Variants in DIDO1 observed in about 807,000 individuals in gnomAD.
DIDO1 encodes the protein death inducer-obliterator 1, also known as death-inducer obliterator 1.
A neutral mutation model predicts 99.4 loss-of-function variants in DIDO1; 16 were observed. The ratio of observed to expected loss-of-function variants is 0.16; its 90% CI spans 0.11 to 0.24. DIDO1 has a LOEUF of 0.24. DIDO1 is among the 10% of genes least tolerant of loss of function. DIDO1 has a pLI of 1.00. For synonymous variants in DIDO1, 1,366 were observed against 1,239.1 expected (o/e 1.10, Z -2.15); for missense variants, 2,996 against 3,014.0 (o/e 0.99, Z 0.14).
At position 62,896,935 on chromosome 20, in the gene DIDO1, T is replaced by G; in HGVS notation, c.1650A>C (p.Thr550=). ...TGCCCACCGCGGAGCCTGGAGGGGC[T>G]GTTTTCTTTGAGGCTGCCATGGCTG... The part of the protein sequence containing the change: ...KAAAMAASKK[T]APPGSAVGKQ... The change falls in exon 7 of 16, where the codon ACA becomes ACC. Residue 550 remains threonine, a synonymous_variant. Transcript: ENST00000395343. The surrounding 1 kb of genome is among the most constrained non-coding windows in gnomAD (Gnocchi z 4.4). The G allele has an allele frequency of 6.2e-7, 1 of 1,613,996 alleles. No homozygotes were observed. Among genetic ancestry groups the G allele is most frequent in the Non-Finnish European group, 8.5e-7 (1 of 1,179,942 alleles).
exon 1 of DIDO1, chr20:62,937,870 A>G (rs1192667990): frequency 5.0e-6 from 2 of 398,196 alleles, no homozygotes; most frequent in Non-Finnish European, 8.9e-6. Flanking sequence ...CGCAGCAGCC[A>G]TCTTGCCAGA....
At chr20:62,923,916 G>A (rs2065204334) in intron 1 of DIDO1, among the ~76,000 whole-genome samples, 1 of 152,108 alleles carries the variant, frequency 6.6e-6, no homozygotes, top group African/African-American at 2.4e-5. Flanking sequence ...CATGGTTACA[G>A]AATTCTTATT....
intron 1 of DIDO1, among the ~76,000 whole-genome samples, chr20:62,924,288 G>C (rs2065212613): frequency 6.6e-6 from 1 of 152,204 alleles, no homozygotes; most frequent in Non-Finnish European, 1.5e-5. Flanking sequence ...AGAGAGATGA[G>C]ACCTCTCAGG....
intron 15 of DIDO1, among the ~76,000 whole-genome samples, 168 bp from the exon 16 acceptor site, chr20:62,882,582 T>TCCGCCACAGGAACGCA (rs2064227474): frequency 2.1e-5 from 2 of 97,212 alleles, no homozygotes; most frequent in Admixed American, 1.9e-4. Flanking sequence ...CCTGGACGAT[T>TCCGCCACAGGAACGCA]CCGCCCCAGG....
chr20:62,902,746 C>CTTA (rs2064712121), intron 6 of DIDO1, among the ~76,000 whole-genome samples: 1 of 152,230 alleles, frequency 6.6e-6, no homozygotes, highest in Non-Finnish European at 1.5e-5. Flanking sequence ...GGGCACCATG[C>CTTA]TTAACACAGC....
chr20:62,913,710 C>T (rs542243889), intron 2 of DIDO1, among the ~76,000 whole-genome samples: 5 of 152,280 alleles, frequency 3.3e-5, no homozygotes, highest in African/African-American at 7.2e-5. Flanking sequence ...CTAGCCTTTG[C>T]CCAGAAGGGC....
Position 62,881,999 on chromosome 20 carries a change from C to A in DIDO1, c.3957G>T (p.Gln1319His), listed in dbSNP as rs781311308. ...KTASPLEHIL[Q>H]TLFGKKKSFD... is the part of the protein sequence containing the mutation. ...ATGATTTCTTCTTTCCAAAGAGAGT[C>A]TGCAGGATGTGCTCCAGCGGTGATG... is the stretch of plus-strand genomic sequence containing the variant. Residue 1319 changes from glutamine (Q) to histidine (H), a missense_variant, in exon 16 of 16, where the codon CAG becomes CAT. Coordinates refer to ENST00000395343, the MANE Select transcript of DIDO1 (RefSeq NM_001193369.2). This position sits in a 1 kb window ranked among gnomAD's most constrained non-coding sequence, Gnocchi z 8.3. 1.2e-6 allele frequency: 2 copies of A among 1,613,554 alleles called. No individual in the cohort carries two copies. The highest frequency in any genetic ancestry group is 1.1e-5 in the South Asian group (1 of 91,080).
rs776319068 is a variant in DIDO1 at position 62,879,647 on chromosome 20, G to A, written c.6309C>T (p.Pro2103=). The change falls in exon 16 of 16, where the codon CCC becomes CCT. Residue 2103 remains proline (P), a synonymous_variant. Transcript: ENST00000395343. The surrounding 1 kb of genome is among the most constrained non-coding windows in gnomAD (Gnocchi z 6.3). ...VGPKEKPLEE[P]DAQGRASEDR... is the part of the protein sequence containing the mutation. ...CCTCGGACGCCCGGCCCTGGGCGTC[G>A]GGCTCCTCCAGCGGCTTCTCTTTGG... 2.1e-5 allele frequency: 34 copies of A among 1,607,148 alleles called. No individual in the cohort carries two copies. The highest frequency in any genetic ancestry group is 5.0e-5 in the Admixed American group (3 of 60,000).
chr20:62,914,919 C>T (rs929397009), intron 1 of DIDO1, among the ~76,000 whole-genome samples: 3 of 152,074 alleles, frequency 2.0e-5, no homozygotes, highest in South Asian at 2.1e-4. Context: ...ATGTTTGTGA[C>T]GTACTAAAAT....
chr20:62,909,739 G>A lies in DIDO1; in HGVS notation c.1121C>T (p.Ala374Val). The A allele has an allele frequency of 6.2e-7, 1 of 1,614,060 alleles. No homozygotes were observed. The highest frequency in any genetic ancestry group is 8.5e-7 in the Non-Finnish European group (1 of 1,179,920). Reference sequence around the variant, plus strand: ...GAGTTTCTTCTTGCCACTTGGATTTGCAGCTTTCTCAATTCTACCCTTTAT... The same window carrying A: ...GAGTTTCTTCTTGCCACTTGGATTTACAGCTTTCTCAATTCTACCCTTTAT... ...QGIKGRIEKA[A>V]NPSGKKKLKI... Residue 374 changes from alanine (A) to valine (V), a missense_variant, in exon 4 of 16, where the codon GCA (alanine) becomes GTA (valine). Ala to Val is a moderately conservative substitution (Grantham distance 64). This residue lies in a region of DIDO1 where 898 missense variants were observed against 972.7 expected (regional missense o/e 0.92). Transcript: ENST00000395343.
chr20:62,905,149 T>G (rs2064772244), intron 6 of DIDO1: 55 of 1,031,594 alleles, frequency 5.3e-5, no homozygotes, highest in Non-Finnish European at 6.4e-5. Flanking sequence ...ATCTTAAGAG[T>G]CTAAACATTC....
rs755125442 is a variant in DIDO1, at chr20:62,905,980, C to T, written c.1495G>A (p.Glu499Lys). Residue 499 changes from glutamate to lysine, a missense_variant, in exon 6 of 16, where the codon GAG (glutamate) becomes AAG (lysine). Glu to Lys is a moderately conservative substitution (Grantham distance 56, BLOSUM62 1). Coordinates refer to ENST00000395343, the MANE Select transcript of DIDO1 (RefSeq NM_001193369.2). ...SEALGKEAAC[E>K]SSTPSWASDH... ...CTCGCCCACGACGGCGTGCTGCTCTCACAAGCTGCTTCCTTCCCGAGTGCT... is the reference window on the plus strand; with the variant it reads ...CTCGCCCACGACGGCGTGCTGCTCTTACAAGCTGCTTCCTTCCCGAGTGCT... 6 of 1,614,086 alleles carry T rather than the reference C, an allele frequency of 3.7e-6. No individual in the cohort carries two copies. Among genetic ancestry groups the T allele is most frequent in the Non-Finnish European group, 4.2e-6 (5 of 1,180,040 alleles).
At position 62,889,183 on chromosome 20, in the gene DIDO1, G is replaced by A. The variant is rs1013343861; in HGVS notation, c.3541+1777C>T. 9.1e-6 allele frequency: 9 copies of A among 985,518 alleles called. No individual in the cohort carries two copies. In the East Asian group the frequency reaches 3.4e-4, roughly 37 times the overall value. The allele number at this position is 985,518 out of a possible 1,614,324, so 61.0% of individuals were successfully genotyped here. On this transcript the variant is annotated intron_variant, in intron 15 of 15. Coordinates refer to ENST00000395343, the MANE Select transcript of DIDO1 (RefSeq NM_001193369.2). The stretch of plus-strand genomic sequence containing the variant: ...ACCCCAGCCCAGCCCTCCTTGTCCC[G>A]GTGCCATCCGGGAGGTGCTGGGAGA...
At chr20:62,904,364 T>A (rs1360413636) in intron 6 of DIDO1, among the ~76,000 whole-genome samples, 2 of 152,220 alleles carry the variant, frequency 1.3e-5, no homozygotes, top group Non-Finnish European at 2.9e-5. Context: ...CGAGATTCAT[T>A]ATAATGCAGC....
At chr20:62,921,629 C>A (rs1002283765) in intron 1 of DIDO1, among the ~76,000 whole-genome samples, 1 of 128,984 alleles carries the variant, frequency 7.8e-6, no homozygotes, top group African/African-American at 3.2e-5. Flanking sequence ...GGAGCTGCAG[C>A]CAATTTTTTT....
chr20:62,902,513 T>G (rs1004399795), intron 6 of DIDO1, among the ~76,000 whole-genome samples: 5 of 152,118 alleles, frequency 3.3e-5, no homozygotes, highest in African/African-American at 1.2e-4. Flanking sequence ...GCCACCCTCC[T>G]CTCCCGGCTT....
At chr20:62,926,242 C>G (rs1051963471) in intron 1 of DIDO1, among the ~76,000 whole-genome samples, 197 bp downstream of exon 1, 3 of 118,518 alleles carry the variant, frequency 2.5e-5, no homozygotes, top group Admixed American at 2.5e-4. Flanking sequence ...GCGGCTCTGA[C>G]CGGCCCCGCC....
chr20:62,889,543 G>A (rs764661233), intron 15 of DIDO1: 9 of 985,482 alleles, frequency 9.1e-6, no homozygotes, highest in Non-Finnish European at 1.1e-5. Flanking sequence ...AGGTGCTGCA[G>A]TGTCTGCACT....
Position 62,896,211 on chromosome 20 carries a change from T to C in DIDO1, c.2214+22A>G, listed in dbSNP as rs2013097. On this transcript the variant is annotated intron_variant, in intron 8 of 15. Transcript: ENST00000395343. This position sits in a 1 kb window ranked among gnomAD's most constrained non-coding sequence, Gnocchi z 4.4. ...AGCGAACAGAACAGGAATACTCCAA[T>C]GCACCGACACCAGGCACACACCTGA... is the stretch of plus-strand genomic sequence containing the variant. The C allele has an allele frequency of 0.46, 736,190 of 1,606,094 alleles. 171,113 individuals are homozygous for C. The highest frequency in any genetic ancestry group is 0.65 in the East Asian group (29,190 of 44,790).
Sources: allele counts gnomAD v4.1 joint callset (sites outside exome capture counted in the v4.1 genomes callset), GRCh38; gene constraint gnomAD v4.1.1; regional missense constraint gnomAD v4.1.1; non-coding constraint Gnocchi (gnomAD v3.1); transcripts MANE v1.5; gene names NCBI Gene and HGNC (gene_info 2026-07-23, HGNC 2026-07-21).